Variants in GLG1 observed in about 807,000 individuals in gnomAD.
GLG1 encodes the protein golgi glycoprotein 1.
GLG1 carries 38 observed loss-of-function variants against 160.5 expected under a neutral mutation model. That is an observed-to-expected ratio of 0.24 (90% CI 0.18 to 0.31). GLG1 has a LOEUF of 0.31. GLG1 is among the 10% of genes least tolerant of loss of function. The pLI is 1.00. For missense variants in GLG1, 1,373 were observed against 1,505.2 expected, an observed-to-expected ratio of 0.91 and a Z score of 1.45; for synonymous variants, 644 against 543.4, an observed-to-expected ratio of 1.19 and a Z score of -2.57.
chr16:74,510,031 CTTT>C (rs35929432), intron 2 of GLG1, among the ~76,000 whole-genome samples: 43 of 134,594 alleles, frequency 3.2e-4, no homozygotes, highest in Admixed American at 5.9e-4. Flanking sequence ...ATAAGGTCTA[CTTT>C]TTTTTTTTTT....
At chr16:74,524,194 G>A (rs969574717) in intron 2 of GLG1, among the ~76,000 whole-genome samples, 3 of 152,002 alleles carry the variant, frequency 2.0e-5, no homozygotes, top group Non-Finnish European at 4.4e-5. Flanking sequence ...GGGTGACAGA[G>A]CGACACTTCA....
chr16:74,510,325 C>T (rs2016763738), intron 2 of GLG1, among the ~76,000 whole-genome samples: 1 of 152,112 alleles, frequency 6.6e-6, no homozygotes. Flanking sequence ...GCCACTGCAC[C>T]CAGCCCATAA....
At chr16:74,574,066 C>G (rs909864897) in intron 1 of GLG1, among the ~76,000 whole-genome samples, 5 of 152,120 alleles carry the variant, frequency 3.3e-5, no homozygotes, top group Admixed American at 2.0e-4. Flanking sequence ...CGTGTGCACG[C>G]GCACACATAC....
intron 4 of GLG1, among the ~76,000 whole-genome samples, chr16:74,503,067 C>T (rs547032804): frequency 2.0e-5 from 3 of 151,840 alleles, no homozygotes; most frequent in Admixed American, 1.3e-4. Flanking sequence ...ATTAGCCAGG[C>T]GTGGTGGTGC....
chr16:74,567,457 A>G (rs897738008), intron 1 of GLG1, among the ~76,000 whole-genome samples: 8 of 152,184 alleles, frequency 5.3e-5, no homozygotes, highest in African/African-American at 1.9e-4. Flanking sequence ...CCTAGGACAC[A>G]GGACTATTCT....
intron 3 of GLG1, among the ~76,000 whole-genome samples, chr16:74,505,639 G>A (rs1345786345): frequency 6.6e-6 from 1 of 152,196 alleles, no homozygotes; most frequent in Non-Finnish European, 1.5e-5. Context: ...TGGACTGCCG[G>A]AGCTCAGGAG....
intron 15 of GLG1, 32 bp downstream of exon 15, chr16:74,471,141 T>G (rs778811110): frequency 1.9e-6 from 2 of 1,069,488 alleles, no homozygotes; most frequent in Non-Finnish European, 2.9e-6. Flanking sequence ...CAGGCAGCTA[T>G]GATGGGATAT....
At chr16:74,500,434 A>G (rs1294587493) in intron 4 of GLG1, among the ~76,000 whole-genome samples, 8 of 151,846 alleles carry the variant, frequency 5.3e-5, no homozygotes, top group Admixed American at 1.3e-4. Flanking sequence ...TTTCTTCCCC[A>G]TATTCCGTGT....
intron 1 of GLG1, among the ~76,000 whole-genome samples, chr16:74,561,804 T>A (rs1439439313): frequency 6.6e-6 from 1 of 152,170 alleles, no homozygotes; most frequent in Non-Finnish European, 1.5e-5. Context: ...CCTTCCTGAA[T>A]CCGTAAATCT....
chr16:74,506,906 G>A (rs1440997601), intron 3 of GLG1, among the ~76,000 whole-genome samples: 28 of 152,256 alleles, frequency 1.8e-4, no homozygotes, highest in Admixed American at 5.9e-4. Flanking sequence ...TGGCTGGGGA[G>A]CAGATTGAAA....
chr16:74,504,142 G>T (rs1420029623), intron 3 of GLG1, among the ~76,000 whole-genome samples: 3 of 152,128 alleles, frequency 2.0e-5, no homozygotes, highest in African/African-American at 7.2e-5. Context: ...ATGAATCTAG[G>T]GAGGAAGATT....
In GLG1 at chr16:74,452,647, T is replaced by C; in HGVS notation, c.*520A>G. 1 of 997,898 alleles carries C rather than the reference T, an allele frequency of 1.0e-6. No homozygotes were observed. Among genetic ancestry groups the C allele is most frequent in the Non-Finnish European group, 1.2e-6 (1 of 836,826 alleles). 61.8% of individuals were successfully genotyped at this position (997,898 alleles called of 1,614,324 possible). ...CCCTGGCGAGGCCCCAAGGTGCTTC[T>C]GAGAGATGAACGAGACACCTCAGTC... On this transcript the variant is annotated 3_prime_UTR_variant, in exon 26 of 26. Transcript: ENST00000422840.
intron 4 of GLG1, among the ~76,000 whole-genome samples, chr16:74,498,073 C>T (rs1164460619): frequency 6.6e-6 from 1 of 152,136 alleles, no homozygotes; most frequent in Middle Eastern, 3.4e-3. Flanking sequence ...CTAATCTATA[C>T]TTACAAGATA....
intron 1 of GLG1, among the ~76,000 whole-genome samples, chr16:74,602,698 G>A (rs1241796958): frequency 6.6e-6 from 1 of 151,960 alleles, no homozygotes; most frequent in Admixed American, 6.6e-5. Context: ...CAGGAAAATC[G>A]CTTGAACTCG....
intron 1 of GLG1, among the ~76,000 whole-genome samples, chr16:74,590,482 G>A (rs967944899): frequency 1.3e-5 from 2 of 151,436 alleles, no homozygotes; most frequent in African/African-American, 2.4e-5. Flanking sequence ...ATAGCCAGGC[G>A]TAGTGGCGGG....
At chr16:74,464,286 C>G (rs2014919591) in intron 19 of GLG1, among the ~76,000 whole-genome samples, 1 of 152,152 alleles carries the variant, frequency 6.6e-6, no homozygotes, top group Non-Finnish European at 1.5e-5. Flanking sequence ...CTACCCAACT[C>G]TAGTGGGGAA....
At chr16:74,513,502 C>G (rs1176416749) in intron 2 of GLG1, among the ~76,000 whole-genome samples, 1 of 152,152 alleles carries the variant, frequency 6.6e-6, no homozygotes, top group Non-Finnish European at 1.5e-5. Flanking sequence ...CCCAGGCAAA[C>G]AGGGTCTGGA....
At chr16:74,573,945 C>T (rs4888255) in intron 1 of GLG1, among the ~76,000 whole-genome samples, 81,878 of 151,714 alleles carry the variant, frequency 0.54, 23,197 homozygotes, top group East Asian at 0.8. Context: ...AGGCGCACAC[C>T]ACTACACCCC....
Position 74,447,592 on chromosome 16 carries a change from C to G in GLG1, c.*5575G>C, listed in dbSNP as rs2014117692. 6.6e-6 allele frequency: 1 copy of G among 152,176 alleles called. No individual in the cohort carries two copies. Among genetic ancestry groups the G allele is most frequent in the Non-Finnish European group, 1.5e-5 (1 of 68,024 alleles). 9.4% of individuals were successfully genotyped at this position (152,176 alleles called of 1,614,324 possible). On this transcript the variant is annotated 3_prime_UTR_variant, in exon 26 of 26. Transcript: ENST00000422840. ...CACGATTTTATACATAGAAAGGAAA[C>G]CCATTTACAAAAGAGGCTTGTTAAT... is the stretch of plus-strand genomic sequence containing the variant.
Sources: allele counts gnomAD v4.1 joint callset (sites outside exome capture counted in the v4.1 genomes callset), GRCh38; gene constraint gnomAD v4.1.1; transcripts MANE v1.5; gene names NCBI Gene and HGNC (gene_info 2026-07-23, HGNC 2026-07-21).